AP1B1: variants seen among roughly 807,000 people sequenced by gnomAD.
AP1B1 encodes adaptor related protein complex 1 subunit beta 1, also known as AP-1 complex subunit beta-1.
AP1B1 carries 36 observed loss-of-function variants against 104.3 expected under a neutral mutation model. That is an observed-to-expected ratio of 0.35 (90% CI 0.26 to 0.46). The LOEUF (loss-of-function observed/expected upper bound fraction) is 0.46, where lower values mean the gene tolerates loss of function less well. Among genes scored for constraint, AP1B1 ranks in the 20% least tolerant of loss-of-function variants. The probability of loss-of-function intolerance (pLI) is 1.00; values close to 1 mark genes in which losing one functional copy is unlikely to be tolerated. For missense variants in AP1B1, 901 were observed against 1,247.9 expected, an observed-to-expected ratio of 0.72 and a Z score of 4.19; for synonymous variants, 504 against 517.5, an observed-to-expected ratio of 0.97 and a Z score of 0.35.
At chr22:29,339,692 T>G in intron 15 of AP1B1, 62 bp downstream of exon 15, 1 of 1,585,686 alleles carries the variant, frequency 6.3e-7, no homozygotes. Context: ...CTTGGGATGC[T>G]GGGCCAGCGC....
chr22:29,341,789 ACT>A, intron 12 of AP1B1, 29 bp from the exon 13 acceptor site: 1 of 1,583,780 alleles, frequency 6.3e-7, no homozygotes, highest in South Asian at 1.1e-5. Flanking sequence ...AGCCCATGAA[ACT>A]CAGAGTAGCC....
At chr22:29,334,959 T>C (rs2061616971) in intron 16 of AP1B1, among the ~76,000 whole-genome samples, 1 of 152,230 alleles carries the variant, frequency 6.6e-6, no homozygotes, top group South Asian at 2.1e-4. Context: ...TTCTGCTGCT[T>C]GGCTGCCCTT....
intron 3 of AP1B1, among the ~76,000 whole-genome samples, chr22:29,360,549 C>G (rs906014319): frequency 6.6e-6 from 1 of 152,178 alleles, no homozygotes; most frequent in African/African-American, 2.4e-5. Context: ...CCGGTAAGAA[C>G]CAGCACAGCA....
intron 11 of AP1B1, among the ~76,000 whole-genome samples, chr22:29,343,894 TGA>T (rs2061749753): frequency 6.6e-6 from 1 of 151,972 alleles, no homozygotes; most frequent in East Asian, 1.9e-4. Context: ...TTGGATCACC[TGA>T]GGTCAGGAGT....
intron 1 of AP1B1, among the ~76,000 whole-genome samples, chr22:29,387,838 T>A (rs914203724): frequency 6.6e-6 from 1 of 152,188 alleles, no homozygotes; most frequent in Non-Finnish European, 1.5e-5. Flanking sequence ...GTAAGGAAAG[T>A]GCTTAGCACA....
chr22:29,381,535 G>A (rs536234498), intron 1 of AP1B1, among the ~76,000 whole-genome samples: 3 of 152,272 alleles, frequency 2.0e-5, no homozygotes, highest in East Asian at 1.9e-4. Flanking sequence ...TTCCATTCAC[G>A]GGGTTATCCA....
intron 10 of AP1B1, 92 bp downstream of exon 10, chr22:29,349,943 A>G (rs1004905529): frequency 5.0e-6 from 5 of 992,436 alleles, no homozygotes; most frequent in Non-Finnish European, 8.0e-6. Flanking sequence ...CCAAGAAGTA[A>G]GGAAGAGGAG....
At chr22:29,374,885 G>A (rs2062308789) in intron 1 of AP1B1, among the ~76,000 whole-genome samples, 1 of 152,224 alleles carries the variant, frequency 6.6e-6, no homozygotes, top group African/African-American at 2.4e-5. Flanking sequence ...CAGCACAGTA[G>A]AGCTGGGCAC....
intron 3 of AP1B1, among the ~76,000 whole-genome samples, chr22:29,361,759 G>A (rs1481887373): frequency 6.6e-6 from 1 of 151,958 alleles, no homozygotes; most frequent in Non-Finnish European, 1.5e-5. Context: ...AGTGGGCTGG[G>A]GTGATCAGGG....
At position 29,350,111 on chromosome 22, in the gene AP1B1, T is replaced by A; in HGVS notation, c.1195A>T (p.Ile399Phe). The stretch of plus-strand genomic sequence containing the variant: ...ACCACATAGTTGACCTTGGTCTGGA[T>A]GAGGTCGAGCAGCGTGCTCACACAG... ...ERCVSTLLDL[I>F]QTKVNYVVQE... Residue 399 changes from isoleucine (I) to phenylalanine (F), a missense_variant, in exon 10 of 23, where the codon ATC (isoleucine) becomes TTC (phenylalanine). Physicochemically the swap from Ile to Phe is conservative, Grantham distance 21. Coordinates refer to ENST00000357586, the MANE Select transcript of AP1B1 (RefSeq NM_001127.4). 1 of 1,614,190 alleles carries A rather than the reference T, an allele frequency of 6.2e-7. No homozygotes were observed.
At chr22:29,350,372 C>G (rs2061856003) in intron 9 of AP1B1, among the ~76,000 whole-genome samples, 1 of 152,162 alleles carries the variant, frequency 6.6e-6, no homozygotes, top group African/African-American at 2.4e-5. Flanking sequence ...GAGGAGAAGC[C>G]AGAGGAAGAG....
chr22:29,365,769 C>T (rs1475773187), intron 2 of AP1B1, among the ~76,000 whole-genome samples: 3 of 151,538 alleles, frequency 2.0e-5, no homozygotes, highest in Non-Finnish European at 1.5e-5. Context: ...TTCCTTTCCC[C>T]AAATGTGTCA....
rs778617528 is a variant in AP1B1 at position 29,350,039 on chromosome 22, T to C, written c.1267A>G (p.Asn423Asp). Residue 423 changes from asparagine (N) to aspartate (D), a missense_variant, in exon 10 of 23, where the codon AAC (asparagine) becomes GAC (aspartate). Transcript: ENST00000357586. Reference sequence around the variant, plus strand: ...CCTAGGAGGGCGGGCACGCACTTGTTGGGGTACTTGCGGAAGATGTCCTTG... The same window carrying C: ...CCTAGGAGGGCGGGCACGCACTTGTCGGGGTACTTGCGGAAGATGTCCTTG... The part of the protein sequence containing the change: ...VIKDIFRKYP[N>D]KYESVIATLC... 6.2e-7 allele frequency: 1 copy of C among 1,613,960 alleles called. No individual in the cohort carries two copies. The highest frequency in any genetic ancestry group is 1.1e-5 in the South Asian group (1 of 91,090).
intron 1 of AP1B1, among the ~76,000 whole-genome samples, chr22:29,379,619 G>C (rs1436315351): frequency 6.6e-6 from 1 of 152,188 alleles, no homozygotes; most frequent in Non-Finnish European, 1.5e-5. Flanking sequence ...TAGAGGCCAG[G>C]TAAAGGACTG....
intron 15 of AP1B1, 106 bp downstream of exon 15, chr22:29,339,648 G>T: frequency 8.2e-7 from 1 of 1,225,124 alleles, no homozygotes; most frequent in Non-Finnish European, 1.2e-6. Context: ...GGCTCAGCAG[G>T]TGGAGGCTGC....
At chr22:29,377,711 G>A (rs2062368042) in intron 1 of AP1B1, among the ~76,000 whole-genome samples, 1 of 151,526 alleles carries the variant, frequency 6.6e-6, no homozygotes, top group African/African-American at 2.4e-5. Flanking sequence ...TCTGGAGGAT[G>A]AGGCAAGGAG....
intron 11 of AP1B1, among the ~76,000 whole-genome samples, chr22:29,346,792 A>C (rs2061799506): frequency 7.1e-6 from 1 of 141,124 alleles, no homozygotes; most frequent in Non-Finnish European, 1.5e-5. Context: ...GGCAGGTGGC[A>C]GTGGGGGGGG....
Position 29,377,317 on chromosome 22 carries a change from A to G in AP1B1, c.-27-10047T>C, listed in dbSNP as rs1263438672. On this transcript the variant is annotated intron_variant, in intron 1 of 22. Coordinates refer to ENST00000357586, the MANE Select transcript of AP1B1 (RefSeq NM_001127.4). ...GACTAAAAGGTGAGTCAGCAGTAGAAAAACCAGATTTCAGACTTTCTCTCT... is the reference window on the plus strand; with the variant it reads ...GACTAAAAGGTGAGTCAGCAGTAGAGAAACCAGATTTCAGACTTTCTCTCT... Among the ~76,000 whole-genome samples, 5 of 152,184 alleles carry G rather than the reference A, an allele frequency of 3.3e-5. No homozygotes were observed. In the East Asian group the frequency reaches 9.6e-4, roughly 29 times the overall value.
At position 29,334,157 on chromosome 22, in the gene AP1B1, C is replaced by CT. The variant is rs1365436677; in HGVS notation, c.2309+107dup. On this transcript the variant is annotated intron_variant, in intron 17 of 22. Coordinates refer to ENST00000357586, the MANE Select transcript of AP1B1 (RefSeq NM_001127.4). ...CATCCTTCAGAAAAGGGGCACTGCC[C>CT]TCCCCTCTACAGCCCCCACCCCTGC... The CT allele has an allele frequency of 3.4e-6, 4 of 1,167,176 alleles. No individual in the cohort carries two copies. In the African/African-American group the frequency reaches 6.3e-5, roughly 18 times the overall value. 72.3% of individuals were successfully genotyped at this position (1,167,176 alleles called of 1,614,324 possible). A position where few individuals can be genotyped will look rare whatever the true frequency, so the allele number is the denominator to read the frequency against.
Sources: gnomAD v4.1 joint callset for allele counts (sites outside exome capture counted in the v4.1 genomes callset) on GRCh38, gnomAD v4.1.1 for gene constraint, MANE v1.5 for transcripts, NCBI Gene and HGNC (gene_info 2026-07-23, HGNC 2026-07-21) for gene names.